Variants in ZNRF3 observed in about 807,000 individuals in gnomAD.
ZNRF3 encodes the protein zinc and ring finger 3.
In ZNRF3, 23 loss-of-function variants were observed where a neutral mutation model predicts 72.5. The ratio of observed to expected loss-of-function variants is 0.32; its 90% CI spans 0.23 to 0.45. The LOEUF (loss-of-function observed/expected upper bound fraction) is 0.45, where lower values mean the gene tolerates loss of function less well. Ranked by LOEUF, ZNRF3 falls within the 20% of genes least tolerant of loss-of-function variation. ZNRF3 has a pLI of 1.00. For missense variants in ZNRF3, 1,169 were observed against 1,272.1 expected, an observed-to-expected ratio of 0.92 and a Z score of 1.23; for synonymous variants, 610 against 545.3, an observed-to-expected ratio of 1.12 and a Z score of -1.65.
At chr22:28,911,689 GAGT>G (rs960566436) in intron 1 of ZNRF3, among the ~76,000 whole-genome samples, 3 of 22,964 alleles carry the variant, frequency 1.3e-4, no homozygotes, top group African/African-American at 1.9e-4. Context: ...TTTTTTCTGA[GAGT>G]TTTTTTTTAT....
chr22:28,983,407 C>T (rs2035801160), intron 1 of ZNRF3, among the ~76,000 whole-genome samples: 2 of 152,168 alleles, frequency 1.3e-5, no homozygotes, highest in Admixed American at 6.5e-5. Flanking sequence ...TTCCTGAGGC[C>T]GTGTGTTCTG....
At chr22:28,899,315 G>A (rs1157513303) in intron 1 of ZNRF3, among the ~76,000 whole-genome samples, 1 of 152,142 alleles carries the variant, frequency 6.6e-6, no homozygotes, top group East Asian at 1.9e-4. Context: ...ATCACTGTAA[G>A]TTTTCACATT....
At chr22:28,915,045 G>A (rs1213693199) in intron 1 of ZNRF3, among the ~76,000 whole-genome samples, 3 of 152,152 alleles carry the variant, frequency 2.0e-5, no homozygotes, top group Non-Finnish European at 4.4e-5. Context: ...ATCAGAAATC[G>A]TTCTTCCTTA....
intron 2 of ZNRF3, chr22:29,018,308 G>A (rs1207513537): frequency 3.8e-5 from 9 of 238,934 alleles, no homozygotes; most frequent in Non-Finnish European, 7.7e-5. Flanking sequence ...TGGATGTGGA[G>A]AGAGGAAGGG....
chr22:29,029,763 G>A (rs1471924144), intron 2 of ZNRF3, among the ~76,000 whole-genome samples: 1 of 152,170 alleles, frequency 6.6e-6, no homozygotes, highest in Non-Finnish European at 1.5e-5. Context: ...GAGAAGCATA[G>A]CTGCCCCTGT....
intron 5 of ZNRF3, 55 bp downstream of exon 5, chr22:29,044,945 G>A: frequency 8.0e-7 from 1 of 1,254,476 alleles, no homozygotes; most frequent in Non-Finnish European, 1.2e-6. Flanking sequence ...GTGACACTGG[G>A]GAAAACCAGG....
At chr22:28,992,667 G>C (rs931082395) in intron 2 of ZNRF3, 2 of 152,460 alleles carry the variant, frequency 1.3e-5, no homozygotes, top group African/African-American at 4.8e-5. Flanking sequence ...GAGCTGGTGG[G>C]GGGCAGTGCT....
intron 1 of ZNRF3, among the ~76,000 whole-genome samples, chr22:28,899,831 A>G (rs1329903166): frequency 6.6e-6 from 1 of 151,714 alleles, no homozygotes; most frequent in Non-Finnish European, 1.5e-5. Flanking sequence ...CTGGGACCAC[A>G]GGCGTGCACC....
At chr22:29,017,897 C>A in intron 2 of ZNRF3, 1 of 473,484 alleles carries the variant, frequency 2.1e-6, no homozygotes, top group Non-Finnish European at 4.3e-6. Flanking sequence ...AGAAAGGAGG[C>A]TTTTAGATGT....
At chr22:28,942,793 A>T (rs1182121517) in intron 1 of ZNRF3, among the ~76,000 whole-genome samples, 1 of 152,160 alleles carries the variant, frequency 6.6e-6, no homozygotes, top group Non-Finnish European at 1.5e-5. Context: ...GTGCCCTCAG[A>T]TTCCCCTATT....
intron 2 of ZNRF3, among the ~76,000 whole-genome samples, chr22:29,003,438 C>T (rs1047709038): frequency 1.7e-4 from 26 of 150,164 alleles, no homozygotes; most frequent in Non-Finnish European, 3.0e-4. Context: ...GGCTTGAACC[C>T]GGGAGGTGGA....
At chr22:29,044,713 A>T in intron 4 of ZNRF3, 67 bp from the exon 5 acceptor site, 1 of 1,097,172 alleles carries the variant, frequency 9.1e-7, no homozygotes. Context: ...CAAAGCCAAG[A>T]TAGCCCATGT....
At chr22:29,016,782 C>T (rs555386991) in intron 2 of ZNRF3, among the ~76,000 whole-genome samples, 1 of 152,306 alleles carries the variant, frequency 6.6e-6, no homozygotes, top group South Asian at 2.1e-4. Flanking sequence ...GAGCATTGTT[C>T]ATTCACCTGG....
intron 2 of ZNRF3, among the ~76,000 whole-genome samples, chr22:29,033,408 G>A (rs140307308): frequency 1.0e-3 from 153 of 147,042 alleles, no homozygotes; most frequent in African/African-American, 3.7e-3. Flanking sequence ...TTTGAGTGTT[G>A]TGTTCAGAAA....
chr22:29,028,032 G>A (rs2036675196), intron 2 of ZNRF3, among the ~76,000 whole-genome samples: 1 of 152,140 alleles, frequency 6.6e-6, no homozygotes, highest in Admixed American at 6.5e-5. Flanking sequence ...TTTGGTTTAA[G>A]GTGAAGAGAT....
chr22:29,021,194 A>G (rs2036532080), intron 2 of ZNRF3, among the ~76,000 whole-genome samples: 1 of 152,024 alleles, frequency 6.6e-6, no homozygotes, highest in Non-Finnish European at 1.5e-5. Flanking sequence ...AGGTTGTGCC[A>G]TCGCACTCCA....
At chr22:28,918,500 GTA>G (rs1229765388) in intron 1 of ZNRF3, among the ~76,000 whole-genome samples, 10 of 151,454 alleles carry the variant, frequency 6.6e-5, no homozygotes, top group Non-Finnish European at 1.3e-4. Flanking sequence ...GCGTGTGTGT[GTA>G]TGCACACGTG....
At chr22:28,984,131 TAA>T (rs147413364) in intron 1 of ZNRF3, among the ~76,000 whole-genome samples, 6 of 150,448 alleles carry the variant, frequency 4.0e-5, no homozygotes, top group African/African-American at 1.5e-4. Context: ...TTTTTTTTTT[TAA>T]AAAAAACCTT....
chr22:28,926,333 T>C (rs2034600083), intron 1 of ZNRF3, among the ~76,000 whole-genome samples: 1 of 152,066 alleles, frequency 6.6e-6, no homozygotes, highest in South Asian at 2.1e-4. Context: ...TAAACAGTAT[T>C]TTGTTTCTTT....
Sources: allele counts gnomAD v4.1 joint callset (sites outside exome capture counted in the v4.1 genomes callset), GRCh38; gene constraint gnomAD v4.1.1; transcripts MANE v1.5; gene names NCBI Gene and HGNC (gene_info 2026-07-23, HGNC 2026-07-21).